The following TEDC1 variants were observed in gnomAD, a reference collection of about 807,000 sequenced individuals.
TEDC1 encodes tubulin epsilon and delta complex 1.
Under a neutral mutation model 59.9 loss-of-function variants are expected in TEDC1, and 54 were observed. The ratio of observed to expected loss-of-function variants is 0.90; its 90% confidence interval spans 0.72 to 1.13. The LOEUF (loss-of-function observed/expected upper bound fraction) is 1.13. Ranked by LOEUF, TEDC1 falls within the 50% of genes most tolerant of loss-of-function variation. The probability of loss-of-function intolerance (pLI) is 0.00; values close to 1 mark genes in which losing one functional copy is unlikely to be tolerated. For missense variants in TEDC1, 734 were observed against 683.4 expected (o/e 1.07, Z -0.83); for synonymous variants, 353 against 298.1 (o/e 1.18, Z -1.90).
intron 6 of TEDC1, 159 bp downstream of exon 6, chr14:105,496,245 T>C (rs1157222247): frequency 1.3e-6 from 1 of 750,514 alleles, no homozygotes; most frequent in Non-Finnish European, 2.1e-6. Flanking sequence ...GTCAGGTGTG[T>C]TGAAGCGGCC....
chr14:105,499,161 G>A lies in TEDC1; in HGVS notation c.*215G>A, dbSNP rs2084415368. The A allele has an allele frequency of 3.3e-6, 2 of 604,616 alleles. No individual in the cohort carries two copies. The highest frequency in any genetic ancestry group is 5.8e-6 in the Non-Finnish European group (2 of 344,690). 37.5% of individuals were successfully genotyped at this position (604,616 alleles called of 1,614,324 possible). ...GGACAGGAATGGCTGGTCCCTTGAG[G>A]AGGTCGTGACAGGCTCAGCCTGGTG... On this transcript the variant is annotated 3_prime_UTR_variant, in exon 9 of 9. Transcript: ENST00000392523.
chr14:105,493,956 G>C (rs201083148), intron 5 of TEDC1, 23 bp downstream of exon 5: 5 of 899,488 alleles, frequency 5.6e-6, no homozygotes, highest in East Asian at 5.3e-5. Flanking sequence ...AAGCTGCTGC[G>C]GGGGGGTGGG....
chr14:105,497,171 A>G, intron 6 of TEDC1, 186 bp from the exon 7 acceptor site: 1 of 672,204 alleles, frequency 1.5e-6, no homozygotes, highest in African/African-American at 1.8e-5. Flanking sequence ...TGGCGTCCGC[A>G]CCACACCAGG....
At chr14:105,498,535 G>A in intron 8 of TEDC1, 82 bp from the exon 9 acceptor site, 1 of 1,414,236 alleles carries the variant, frequency 7.1e-7, no homozygotes, top group Non-Finnish European at 9.4e-7. Flanking sequence ...GCCTGCACCT[G>A]AGTCTGGGCT....
chr14:105,498,394 A>G (rs2084395102), intron 8 of TEDC1, among the ~76,000 whole-genome samples: 1 of 152,214 alleles, frequency 6.6e-6, no homozygotes, highest in Admixed American at 6.5e-5. Context: ...GGCTGTGAAC[A>G]CGGGGCTGTG....
At chr14:105,497,170 C>T (rs1567076022) in intron 6 of TEDC1, 187 bp from the exon 7 acceptor site, 9 of 670,934 alleles carry the variant, frequency 1.3e-5, no homozygotes, top group South Asian at 9.9e-5. Flanking sequence ...GTGGCGTCCG[C>T]ACCACACCAG....
intron 5 of TEDC1, chr14:105,495,628 G>A (rs782787074): frequency 9.0e-5 from 43 of 476,480 alleles, no homozygotes; most frequent in Admixed American, 1.9e-4. Flanking sequence ...GCATCCGGGC[G>A]TCCTGGTCTG....
rs2084200088 is a variant in TEDC1, at chr14:105,491,302, C to G, written c.-74C>G. ...GTCCCAGCCGCCGCACTAAACCCGGCCCGTGCGGTGATTGGACGCAGGCCC... is the reference window on the plus strand; with the variant it reads ...GTCCCAGCCGCCGCACTAAACCCGGGCCGTGCGGTGATTGGACGCAGGCCC... On this transcript the variant is annotated 5_prime_UTR_variant, in exon 1 of 9. Transcript: ENST00000392523. The G allele has an allele frequency of 6.7e-7, 1 of 1,495,230 alleles. No homozygotes were observed. Among genetic ancestry groups the G allele is most frequent in the Non-Finnish European group, 8.9e-7 (1 of 1,125,240 alleles). 92.6% of individuals were successfully genotyped at this position (1,495,230 alleles called of 1,614,324 possible).
rs2084225383 is a variant in TEDC1 at position 105,492,020 on chromosome 14, A to C, written c.227-87A>C. On this transcript the variant is annotated intron_variant, in intron 2 of 8. Transcript: ENST00000392523. ...TGAACTAGGCCTTGAGCTTCTGCTCAAGTGACCTGTGGGGGTCTCTGGAGG... is the reference window on the plus strand; with the variant it reads ...TGAACTAGGCCTTGAGCTTCTGCTCCAGTGACCTGTGGGGGTCTCTGGAGG... 3 of 1,366,642 alleles carry C rather than the reference A, an allele frequency of 2.2e-6. No individual in the cohort carries two copies. The East Asian group carries it at 7.5e-5, about 34-fold the overall frequency. 84.7% of individuals were successfully genotyped at this position (1,366,642 alleles called of 1,614,324 possible). A position where few individuals can be genotyped will look rare whatever the true frequency, so the allele number is the denominator to read the frequency against.
Position 105,492,680 on chromosome 14 carries a change from C to A in TEDC1, c.531C>A (p.Phe177Leu). Residue 177 changes from phenylalanine to leucine, a missense_variant, in exon 4 of 9, where the codon TTC (phenylalanine) becomes TTA (leucine). Transcript: ENST00000392523. ...HVQWLMGKLRFRWRQLVSSQQ... is the reference protein window; with the variant it reads ...HVQWLMGKLRLRWRQLVSSQQ... ...AGTGGCTGATGGGAAAGCTGCGGTT[C>A]CGGTGGCGCCAGCTGGTGTCCAGTC... The A allele has an allele frequency of 6.5e-7, 1 of 1,544,836 alleles. No homozygotes were observed.
chr14:105,499,025 C>A lies in TEDC1; in HGVS notation c.*79C>A. The A allele has an allele frequency of 7.0e-7, 1 of 1,427,650 alleles. No individual in the cohort carries two copies. The allele number at this position is 1,427,650 out of a possible 1,614,324, so 88.4% of individuals were successfully genotyped here. On this transcript the variant is annotated 3_prime_UTR_variant, in exon 9 of 9. Coordinates refer to ENST00000392523, the MANE Select transcript of TEDC1 (RefSeq NM_001367178.1). ...GGTCTTGGAGGAGCAGATTCCAAGG[C>A]CAGGTGGCCGCAGGGACGATGCAGA...
At chr14:105,493,961 G>A in intron 5 of TEDC1, 28 bp downstream of exon 5, 1 of 863,880 alleles carries the variant, frequency 1.2e-6, no homozygotes, top group Non-Finnish European at 1.8e-6. Context: ...GCTGCGGGGG[G>A]GTGGGGGTGG....
At chr14:105,491,800 G>T in intron 2 of TEDC1, 100 bp downstream of exon 2, 3 of 1,343,510 alleles carry the variant, frequency 2.2e-6, no homozygotes, top group Non-Finnish European at 2.0e-6. Context: ...GCAGGCTCTA[G>T]CCCCCACCCA....
intron 5 of TEDC1, chr14:105,494,809 T>G (rs2084307209): frequency 6.6e-6 from 1 of 152,282 alleles, no homozygotes; most frequent in Admixed American, 6.5e-5. Context: ...ATCACTGGCT[T>G]CTTCCTCTTG....
Position 105,491,303 on chromosome 14 carries a change from C to G in TEDC1, c.-73C>G. On this transcript the variant is annotated 5_prime_UTR_variant, in exon 1 of 9. Transcript: ENST00000392523. ...TCCCAGCCGCCGCACTAAACCCGGC[C>G]CGTGCGGTGATTGGACGCAGGCCCC... 6.7e-7 allele frequency: 1 copy of G among 1,494,320 alleles called. No individual in the cohort carries two copies. The highest frequency in any genetic ancestry group is 8.9e-7 in the Non-Finnish European group (1 of 1,124,712). The allele number at this position is 1,494,320 out of a possible 1,614,324, so 92.6% of individuals were successfully genotyped here.
Position 105,491,752 on chromosome 14 carries a change from C to T in TEDC1, c.226+52C>T, listed in dbSNP as rs587761210. ...CCCGGTAGCACTGGCCCCGCCTACT[C>T]CTGTAAAGCCCCGCCTTCCCCAGTA... On this transcript the variant is annotated intron_variant, in intron 2 of 8. Coordinates refer to ENST00000392523, the MANE Select transcript of TEDC1 (RefSeq NM_001367178.1). The T allele has an allele frequency of 2.2e-4, 335 of 1,511,128 alleles. 1 individual carries two copies. The highest frequency in any genetic ancestry group is 4.0e-4 in the South Asian group (33 of 83,312). The allele number at this position is 1,511,128 out of a possible 1,614,324, so 93.6% of individuals were successfully genotyped here. A position where few individuals can be genotyped will look rare whatever the true frequency, so the allele number is the denominator to read the frequency against.
In TEDC1 at chr14:105,491,749, A is replaced by G. The variant is rs587676572; in HGVS notation, c.226+49A>G. ...CCACCCGGTAGCACTGGCCCCGCCTACTCCTGTAAAGCCCCGCCTTCCCCA... is the reference window on the plus strand; with the variant it reads ...CCACCCGGTAGCACTGGCCCCGCCTGCTCCTGTAAAGCCCCGCCTTCCCCA... On this transcript the variant is annotated intron_variant, in intron 2 of 8. Transcript: ENST00000392523. 2.8e-4 allele frequency: 426 copies of G among 1,501,202 alleles called. 5 individuals carry two copies. In the South Asian group the frequency reaches 4.0e-3, roughly 14 times the overall value. The allele number at this position is 1,501,202 out of a possible 1,614,324, so 93.0% of individuals were successfully genotyped here. A position where few individuals can be genotyped will look rare whatever the true frequency, so the allele number is the denominator to read the frequency against.
rs1555440348 is a variant in TEDC1, at chr14:105,495,930, CCTGCACTCCTT to C, written c.746_756del (p.Phe249TrpfsTer10). 1.9e-6 allele frequency: 3 copies of C among 1,550,176 alleles called. No homozygotes were observed. The highest frequency in any genetic ancestry group is 1.4e-5 in the African/African-American group (1 of 73,052). Reference sequence around the variant, plus strand: ...ACCTGGACCTGGCCTACCCAAAGTGCCTGCACTCCTTCTGCACTCCTGGGATGGGTCCCAGA... The same window carrying C: ...ACCTGGACCTGGCCTACCCAAAGTGCCTGCACTCCTGGGATGGGTCCCAGA... On this transcript the variant is annotated frameshift_variant, in exon 6 of 9. Coordinates refer to ENST00000392523, the MANE Select transcript of TEDC1 (RefSeq NM_001367178.1). LOFTEE classifies it high-confidence loss of function.
At chr14:105,492,493 C>T (rs1170264316) in intron 3 of TEDC1, 86 bp from the exon 4 acceptor site, 25 of 1,481,376 alleles carry the variant, frequency 1.7e-5, no homozygotes, top group African/African-American at 5.6e-5. Flanking sequence ...TTGTTTTTGG[C>T]TGTGCCTCCA....
Sources: gnomAD v4.1 joint callset for allele counts (sites outside exome capture counted in the v4.1 genomes callset) on GRCh38, gnomAD v4.1.1 for gene constraint, MANE v1.5 for transcripts, NCBI Gene and HGNC (gene_info 2026-07-23, HGNC 2026-07-21) for gene names.